SYNJ2BP: variants seen among roughly 807,000 people sequenced by gnomAD.
SYNJ2BP encodes synaptojanin-2-binding protein.
SYNJ2BP carries 10 observed loss-of-function variants against 16.9 expected under a neutral mutation model. The ratio of observed to expected loss-of-function variants is 0.59; its 90% CI spans 0.36 to 1.00. SYNJ2BP has a LOEUF of 1.00. SYNJ2BP is among the 50% of genes least tolerant of loss of function. The probability of loss-of-function intolerance (pLI) is 0.01; values close to 1 mark genes in which losing one functional copy is unlikely to be tolerated. For missense variants in SYNJ2BP, 162 were observed against 186.7 expected, an observed-to-expected ratio of 0.87 and a Z score of 0.77; for synonymous variants, 54 against 68.4, an observed-to-expected ratio of 0.79 and a Z score of 1.04.
In SYNJ2BP at chr14:70,370,975, G is replaced by C. The variant is rs1190022965; in HGVS notation, c.*2016C>G. The C allele has an allele frequency of 2.0e-5, 3 of 152,184 alleles. No homozygotes were observed. Among genetic ancestry groups the C allele is most frequent in the African/African-American group, 7.2e-5 (3 of 41,442 alleles). 9.4% of individuals were successfully genotyped at this position (152,184 alleles called of 1,614,324 possible). A position where few individuals can be genotyped will look rare whatever the true frequency, so the allele number is the denominator to read the frequency against. The stretch of plus-strand genomic sequence containing the variant: ...AAAAGCCCTATGGGATGGAGGATAT[G>C]CACTGTACTTCTTTGTAAAAGTGTC... On this transcript the variant is annotated 3_prime_UTR_variant, in exon 4 of 4. Transcript: ENST00000256366.
Position 70,388,586 on chromosome 14 carries a change from C to A in SYNJ2BP, c.85G>T (p.Gly29Cys). 1 of 1,543,814 alleles carries A rather than the reference C, an allele frequency of 6.5e-7. No individual in the cohort carries two copies. Among genetic ancestry groups the A allele is most frequent in the Non-Finnish European group, 8.7e-7 (1 of 1,146,268 alleles). The change falls in exon 2 of 4, where the codon GGT (glycine) becomes TGT (cysteine). Residue 29 changes from glycine (G) to cysteine (C), a missense_variant. Transcript: ENST00000256366. The part of the protein sequence containing the change: ...GPSGLGFNIV[G>C]GTDQQYVSND... ...GAGACATACTGCTGATCTGTCCCAC[C>A]GACGATGTTGAAGCCCAGCCCTGAG...
chr14:70,413,496 G>A (rs572726845), intron 1 of SYNJ2BP, among the ~76,000 whole-genome samples: 6 of 152,092 alleles, frequency 3.9e-5, no homozygotes, highest in East Asian at 3.9e-4. Context: ...AAAATTACCC[G>A]GGCATGGTGG....
At chr14:70,382,501 A>G (rs960872697) in intron 2 of SYNJ2BP, among the ~76,000 whole-genome samples, 4 of 152,220 alleles carry the variant, frequency 2.6e-5, no homozygotes, top group Non-Finnish European at 4.4e-5. Context: ...CTCATAATGC[A>G]GAGTTTGATT....
At chr14:70,375,106 T>G (rs1434091941) in intron 3 of SYNJ2BP, among the ~76,000 whole-genome samples, 1 of 151,614 alleles carries the variant, frequency 6.6e-6, no homozygotes, top group South Asian at 2.1e-4. Flanking sequence ...CTGTTTTAAT[T>G]TGGTTGTCAA....
chr14:70,394,704 T>C (rs1186099964), intron 1 of SYNJ2BP, among the ~76,000 whole-genome samples: 1 of 136,494 alleles, frequency 7.3e-6, no homozygotes, highest in Non-Finnish European at 1.7e-5. Context: ...AACTCCTGAC[T>C]ATAGGTCTGG....
chr14:70,399,951 G>T (rs1241788636), intron 1 of SYNJ2BP, among the ~76,000 whole-genome samples: 1 of 152,172 alleles, frequency 6.6e-6, no homozygotes, highest in African/African-American at 2.4e-5. Flanking sequence ...CTTTTGAGCT[G>T]CAGTCAGAGA....
At chr14:70,373,244 C>T (rs973929907) in intron 3 of SYNJ2BP, 113 bp from the exon 4 acceptor site, 1 of 1,379,930 alleles carries the variant, frequency 7.2e-7, no homozygotes, top group South Asian at 1.4e-5. Context: ...AAAACTGTAA[C>T]CCCCAGCAAT....
intron 2 of SYNJ2BP, among the ~76,000 whole-genome samples, chr14:70,376,112 G>C (rs1194902981): frequency 6.6e-6 from 1 of 152,308 alleles, no homozygotes; most frequent in East Asian, 1.9e-4. Context: ...CTTCCTTAAA[G>C]ATAGCATGGT....
intron 2 of SYNJ2BP, among the ~76,000 whole-genome samples, chr14:70,384,401 C>T (rs1477004459): frequency 6.6e-6 from 1 of 152,154 alleles, no homozygotes; most frequent in Non-Finnish European, 1.5e-5. Flanking sequence ...TTTACAGAGA[C>T]TTCAAAGCCA....
In SYNJ2BP at chr14:70,369,255, A is replaced by G. The variant is rs1369819253; in HGVS notation, c.*3736T>C. On this transcript the variant is annotated 3_prime_UTR_variant, in exon 4 of 4. Coordinates refer to ENST00000256366, the MANE Select transcript of SYNJ2BP (RefSeq NM_018373.3). ...GTAGCTGGGCCTACAGGAATGCACC[A>G]CTAATTTGTTTGACTTTTAGTAAAG... is the stretch of plus-strand genomic sequence containing the variant. 1 of 152,086 alleles carries G rather than the reference A, an allele frequency of 6.6e-6. No individual in the cohort carries two copies. The highest frequency in any genetic ancestry group is 2.4e-5 in the African/African-American group (1 of 41,380). 9.4% of individuals were successfully genotyped at this position (152,086 alleles called of 1,614,324 possible).
At chr14:70,404,173 A>AT (rs1464220708) in intron 1 of SYNJ2BP, among the ~76,000 whole-genome samples, 2 of 103,590 alleles carry the variant, frequency 1.9e-5, no homozygotes, top group Admixed American at 1.0e-4. Flanking sequence ...AAAATGAAAA[A>AT]TTAAAAAAAA....
At chr14:70,387,175 A>G (rs1008524613) in intron 2 of SYNJ2BP, among the ~76,000 whole-genome samples, 11 of 152,174 alleles carry the variant, frequency 7.2e-5, no homozygotes, top group African/African-American at 2.7e-4. Flanking sequence ...TCCATTCTTT[A>G]TACCAATCAT....
At chr14:70,374,375 C>A (rs898053712) in intron 3 of SYNJ2BP, among the ~76,000 whole-genome samples, 1 of 152,158 alleles carries the variant, frequency 6.6e-6, no homozygotes, top group African/African-American at 2.4e-5. Context: ...TCACGTTCTG[C>A]CTTCTCTACT....
intron 2 of SYNJ2BP, among the ~76,000 whole-genome samples, chr14:70,381,174 G>C (rs1887741250): frequency 6.6e-6 from 1 of 152,144 alleles, no homozygotes; most frequent in South Asian, 2.1e-4. Context: ...GTGTAATCCT[G>C]CCCCTCCATC....
At chr14:70,387,124 C>T (rs756399137) in intron 2 of SYNJ2BP, among the ~76,000 whole-genome samples, 1 of 152,126 alleles carries the variant, frequency 6.6e-6, no homozygotes, top group African/African-American at 2.4e-5. Flanking sequence ...GCCAGCTCTC[C>T]CAAGAATATT....
At chr14:70,395,066 G>C (rs1216775459) in intron 1 of SYNJ2BP, among the ~76,000 whole-genome samples, 1 of 152,170 alleles carries the variant, frequency 6.6e-6, no homozygotes, top group Non-Finnish European at 1.5e-5. Flanking sequence ...GAGCTAACTG[G>C]TCTCCAGGCT....
At position 70,414,193 on chromosome 14, in the gene SYNJ2BP, T is replaced by C. The variant is rs1006774603; in HGVS notation, c.64+2707A>G. On this transcript the variant is annotated intron_variant, in intron 1 of 3. Transcript: ENST00000256366. ...ATTAACATGAACTTGAAACCTTTCT[T>C]TGTTAACTGAACCAACCAAATTTCA... Among the ~76,000 whole-genome samples the C allele has an allele frequency of 6.6e-5, 10 of 152,340 alleles. No individual in the cohort carries two copies. The East Asian group carries it at 7.7e-4, about 12-fold the overall frequency.
chr14:70,405,025 G>A (rs1888317914), intron 1 of SYNJ2BP, among the ~76,000 whole-genome samples: 2 of 152,056 alleles, frequency 1.3e-5, no homozygotes, highest in South Asian at 2.1e-4. Context: ...TATTCAGGAG[G>A]CTAAAGTGAG....
intron 2 of SYNJ2BP, among the ~76,000 whole-genome samples, chr14:70,379,882 A>T (rs1207779217): frequency 2.0e-5 from 3 of 152,234 alleles, no homozygotes; most frequent in Non-Finnish European, 4.4e-5. Context: ...ATGATGTCAC[A>T]GCTCAATATC....
Sources: allele counts gnomAD v4.1 joint callset (sites outside exome capture counted in the v4.1 genomes callset), GRCh38; gene constraint gnomAD v4.1.1; transcripts MANE v1.5; gene names NCBI Gene and HGNC (gene_info 2026-07-23, HGNC 2026-07-21).